Variants in BCCIP observed in about 807,000 individuals in gnomAD.
BCCIP encodes the protein BRCA2 and CDKN1A interacting protein.
Under a neutral mutation model 32.8 loss-of-function variants are expected in BCCIP, and 23 were observed. That is an observed-to-expected ratio of 0.70 (90% CI 0.51 to 0.99). BCCIP has a LOEUF of 0.99. Among genes scored for constraint, BCCIP ranks in the 50% least tolerant of loss-of-function variants. The probability of loss-of-function intolerance (pLI) is 0.00; values close to 1 mark genes in which losing one functional copy is unlikely to be tolerated. For missense variants in BCCIP, 378 were observed against 379.8 expected (o/e 1.00, Z 0.04); for synonymous variants, 144 against 137.6 (o/e 1.05, Z -0.33).
At chr10:125,829,555 T>C (rs945229074) in intron 3 of BCCIP, among the ~76,000 whole-genome samples, 1 of 152,262 alleles carries the variant, frequency 6.6e-6, no homozygotes, top group Non-Finnish European at 1.5e-5. Flanking sequence ...ATTCGGACAC[T>C]GAGTGATAGG....
In BCCIP at chr10:125,852,564, T is replaced by A. The variant is rs375726805; in HGVS notation, c.851-561T>A. ...CTACCTGAAGAAGATGAGCCAAGAA[T>A]CTGCTTGCGTATCTCTGCCTGGCTC... On this transcript the variant is annotated intron_variant, in intron 7 of 7. Transcript: ENST00000368759. The A allele has an allele frequency of 6.2e-6, 10 of 1,613,596 alleles. No individual in the cohort carries two copies. Among genetic ancestry groups the A allele is most frequent in the Non-Finnish European group, 8.5e-6 (10 of 1,179,850 alleles).
chr10:125,838,855 T>C (rs545796355), downstream of BCCIP: 245 of 956,776 alleles, frequency 2.6e-4, no homozygotes, highest in African/African-American at 3.4e-3. Flanking sequence ...AGGGGAAGGA[T>C]ACTTAAGTAC....
At chr10:125,834,248 T>C (rs539122025) in intron 6 of BCCIP, among the ~76,000 whole-genome samples, 1 of 152,332 alleles carries the variant, frequency 6.6e-6, no homozygotes, top group East Asian at 1.9e-4. Flanking sequence ...AAATCTTTCA[T>C]TCTAAAACCA....
At chr10:125,839,235 G>A (rs898308574), downstream of BCCIP, 3 of 1,584,834 alleles carry the variant, frequency 1.9e-6, no homozygotes, top group Non-Finnish European at 2.6e-6. Flanking sequence ...TTTGTCAGAA[G>A]CTCTGAAGAG....
chr10:125,824,508 C>T (rs996430168), intron 1 of BCCIP, among the ~76,000 whole-genome samples: 1 of 152,214 alleles, frequency 6.6e-6, no homozygotes, highest in African/African-American at 2.4e-5. Context: ...TCACCAGCTG[C>T]TCTAACCCAA....
downstream of BCCIP, among the ~76,000 whole-genome samples, chr10:125,838,691 CA>C (rs1298773394): frequency 6.6e-6 from 1 of 152,156 alleles, no homozygotes; most frequent in Non-Finnish European, 1.5e-5. Context: ...CTATGGGCGA[CA>C]TACACTCCAA....
At chr10:125,834,906 G>T (rs958193867) in intron 6 of BCCIP, among the ~76,000 whole-genome samples, 2 of 151,928 alleles carry the variant, frequency 1.3e-5, no homozygotes, top group African/African-American at 2.4e-5. Context: ...GTCAAGGCGG[G>T]TGGATCACGA....
intron 7 of BCCIP, among the ~76,000 whole-genome samples, chr10:125,850,258 G>C (rs1944072989): frequency 6.6e-6 from 1 of 150,564 alleles, no homozygotes; most frequent in African/African-American, 2.5e-5. Context: ...GATTACAGGT[G>C]TGAGCCACCA....
chr10:125,842,253 T>A (rs1209664030), exon 7 of BCCIP: 2 of 296,508 alleles, frequency 6.7e-6, no homozygotes, highest in Non-Finnish European at 1.2e-5. Flanking sequence ...GAGACTAAGG[T>A]GGCCGGAACT....
At chr10:125,831,727 T>G (rs887011195) in intron 5 of BCCIP, 120 bp downstream of exon 5, 128 of 956,754 alleles carry the variant, frequency 1.3e-4, no homozygotes, top group Non-Finnish European at 1.7e-4. Context: ...TAAGTGGGTT[T>G]AGTGTGAGGG....
chr10:125,852,836 T>C (rs1332372427), intron 7 of BCCIP, among the ~76,000 whole-genome samples: 1 of 152,252 alleles, frequency 6.6e-6, no homozygotes, highest in African/African-American at 2.4e-5. Context: ...ATAAATGGAT[T>C]TAAAGGTTGT....
At chr10:125,843,883 C>T (rs1024728820), downstream of BCCIP, among the ~76,000 whole-genome samples, 1 of 152,206 alleles carries the variant, frequency 6.6e-6, no homozygotes, top group African/African-American at 2.4e-5. Flanking sequence ...GCAGGGAACC[C>T]AGACATCCGC....
At chr10:125,837,852 C>T (rs1204775652), downstream of BCCIP, among the ~76,000 whole-genome samples, 2 of 152,224 alleles carry the variant, frequency 1.3e-5, no homozygotes, top group African/African-American at 2.4e-5. Flanking sequence ...AGCCTTCCCT[C>T]CTTCCTCTTC....
At chr10:125,841,052 C>T, downstream of BCCIP, 3 of 1,558,688 alleles carry the variant, frequency 1.9e-6, no homozygotes, top group Non-Finnish European at 2.6e-6. Flanking sequence ...TTATCTTAGC[C>T]TAACATGCAG....
chr10:125,841,195 G>GTA (rs1854867807), downstream of BCCIP: 2 of 1,505,788 alleles, frequency 1.3e-6, no homozygotes, highest in South Asian at 1.2e-5. Flanking sequence ...TTTTGTGTGT[G>GTA]TGTGTTTGCT....
intron 7 of BCCIP, among the ~76,000 whole-genome samples, chr10:125,851,019 G>T (rs574658418): frequency 2.8e-4 from 43 of 152,310 alleles, no homozygotes; most frequent in African/African-American, 1.0e-3. Flanking sequence ...TTGTCAGGCA[G>T]CCAAGGAAGA....
chr10:125,849,413 T>C (rs1016021051), intron 7 of BCCIP, among the ~76,000 whole-genome samples: 1 of 152,240 alleles, frequency 6.6e-6, no homozygotes, highest in African/African-American at 2.4e-5. Context: ...ATTTACTTTA[T>C]TGTTTCCAAG....
chr10:125,826,405 C>A, intron 1 of BCCIP, 186 bp from the exon 2 acceptor site: 1 of 880,530 alleles, frequency 1.1e-6, no homozygotes, highest in Non-Finnish European at 1.6e-6. Flanking sequence ...TTGAACTGGA[C>A]TTTCTCAACA....
intron 7 of BCCIP, chr10:125,852,987 A>G (rs1944110992): frequency 3.0e-6 from 2 of 666,158 alleles, no homozygotes; most frequent in East Asian, 2.6e-5. Flanking sequence ...CTCACCTGAT[A>G]GTGCCATGTT....
Sources: allele counts gnomAD v4.1 joint callset (sites outside exome capture counted in the v4.1 genomes callset), GRCh38; gene constraint gnomAD v4.1.1; transcripts MANE v1.5; gene names NCBI Gene and HGNC (gene_info 2026-07-23, HGNC 2026-07-21).